The following MGAT4C variants were observed in gnomAD, a reference collection of about 807,000 sequenced individuals.
MGAT4C encodes the protein alpha-1,3-mannosyl-glycoprotein 4-beta-N-acetylglucosaminyltransferase C.
A neutral mutation model predicts 40.1 loss-of-function variants in MGAT4C; 19 were observed. The observed-to-expected ratio is 0.47, with a 90% CI of 0.33 to 0.70. The LOEUF (loss-of-function observed/expected upper bound fraction) is 0.70, where lower values mean the gene tolerates loss of function less well. Ranked by LOEUF, MGAT4C falls within the 30% of genes least tolerant of loss-of-function variation. MGAT4C has a pLI of 0.02. For missense variants in MGAT4C, 491 were observed against 563.2 expected, an observed-to-expected ratio of 0.87 and a Z score of 1.30; for synonymous variants, 181 against 187.1, an observed-to-expected ratio of 0.97 and a Z score of 0.27.
intron 1 of MGAT4C, among the ~76,000 whole-genome samples, chr12:86,816,837 T>C (rs1389825095): frequency 6.6e-6 from 1 of 151,586 alleles, no homozygotes; most frequent in African/African-American, 2.4e-5. Flanking sequence ...TTATTATTTA[T>C]TTTGCTTATT....
chr12:86,714,659 G>C, intron 2 of MGAT4C, among the ~76,000 whole-genome samples: 3 of 151,994 alleles, frequency 2.0e-5, no homozygotes, highest in Non-Finnish European at 4.4e-5. Flanking sequence ...ATGCAGAACT[G>C]TGAGTCCATT....
chr12:86,512,747 G>A (rs1010834809), intron 2 of MGAT4C, among the ~76,000 whole-genome samples: 4 of 152,036 alleles, frequency 2.6e-5, no homozygotes, highest in African/African-American at 9.7e-5. Flanking sequence ...AGAAGCAGAG[G>A]GTAGAATGGT....
chr12:86,743,444 A>C lies in MGAT4C; in HGVS notation c.-261-16203T>G, dbSNP rs370659692. ...CCAGGGGAAAACCAGCTTTCTCCTGAAGAGATTATTTTACACTTGATGTAA... is the reference window on the plus strand; with the variant it reads ...CCAGGGGAAAACCAGCTTTCTCCTGCAGAGATTATTTTACACTTGATGTAA... On this transcript the variant is annotated intron_variant, in intron 1 of 7. Transcript: ENST00000548651. Among the ~76,000 whole-genome samples the C allele has an allele frequency of 5.9e-5, 9 of 151,522 alleles. 1 individual carries two copies. In the East Asian group the frequency reaches 7.8e-4, roughly 13 times the overall value.
intron 1 of MGAT4C, among the ~76,000 whole-genome samples, chr12:86,128,394 T>C (rs1383391485): frequency 6.6e-6 from 1 of 152,152 alleles, no homozygotes; most frequent in Non-Finnish European, 1.5e-5. Context: ...AGTGAATAAA[T>C]CACACGAGAT....
intron 2 of MGAT4C, among the ~76,000 whole-genome samples, chr12:86,556,221 A>G (rs887873062): frequency 1.3e-5 from 2 of 152,196 alleles, no homozygotes; most frequent in Non-Finnish European, 2.9e-5. Flanking sequence ...AGGGGTAAAT[A>G]TAAGTAATGT....
chr12:86,681,224 G>A (rs1343076641), intron 2 of MGAT4C, among the ~76,000 whole-genome samples: 2 of 151,892 alleles, frequency 1.3e-5, no homozygotes, highest in African/African-American at 2.4e-5. Context: ...AATAGCCTCT[G>A]AAGTAACCAT....
chr12:86,144,055 G>A (rs1371394225), intron 1 of MGAT4C, among the ~76,000 whole-genome samples: 1 of 152,182 alleles, frequency 6.6e-6, no homozygotes, highest in East Asian at 1.9e-4. Flanking sequence ...GCACAAGTAC[G>A]TGGTTTGCTG....
At chr12:86,597,446 C>G (rs546985465) in intron 2 of MGAT4C, among the ~76,000 whole-genome samples, 15 of 152,312 alleles carry the variant, frequency 9.8e-5, no homozygotes, top group South Asian at 2.1e-4. Flanking sequence ...CAGCATTAAT[C>G]ATTAGGCCAG....
intron 1 of MGAT4C, among the ~76,000 whole-genome samples, chr12:86,217,204 T>TCA (rs1278068061): frequency 6.6e-6 from 1 of 152,162 alleles, no homozygotes; most frequent in Non-Finnish European, 1.5e-5. Flanking sequence ...AGACAGGGTC[T>TCA]CACTCTGTCA....
At chr12:86,177,992 A>G (rs1887660566) in intron 1 of MGAT4C, among the ~76,000 whole-genome samples, 1 of 152,262 alleles carries the variant, frequency 6.6e-6, no homozygotes, top group Non-Finnish European at 1.5e-5. Flanking sequence ...GCTGGAGTGC[A>G]GTGGCGCGAT....
chr12:86,116,453 A>G (rs1028173669), intron 1 of MGAT4C, among the ~76,000 whole-genome samples: 1 of 152,038 alleles, frequency 6.6e-6, no homozygotes, highest in East Asian at 1.9e-4. Flanking sequence ...CCAACAAGAC[A>G]TATGTTAGAT....
chr12:86,029,137 C>A (rs138128017), intron 2 of MGAT4C, among the ~76,000 whole-genome samples: 1 of 151,712 alleles, frequency 6.6e-6, no homozygotes, highest in Non-Finnish European at 1.5e-5. Flanking sequence ...TATACATAAC[C>A]ATCATATTTA....
At chr12:86,465,152 T>C (rs538412283) in intron 2 of MGAT4C, among the ~76,000 whole-genome samples, 2 of 151,296 alleles carry the variant, frequency 1.3e-5, no homozygotes, top group South Asian at 4.1e-4. Context: ...CAATAAATGA[T>C]GCTAAAACAA....
chr12:86,062,511 C>G (rs936355229), intron 1 of MGAT4C, among the ~76,000 whole-genome samples: 2 of 152,002 alleles, frequency 1.3e-5, no homozygotes, highest in Admixed American at 6.6e-5. Flanking sequence ...GGGAACAAAA[C>G]TGGACAGAGA....
In MGAT4C at chr12:86,309,980, G is replaced by A. The variant is rs189279459; in HGVS notation, c.-57+24085C>T. Among the ~76,000 whole-genome samples, 534 of 150,846 alleles carry A rather than the reference G, an allele frequency of 3.5e-3. 5 individuals carry two copies. Among genetic ancestry groups the A allele is most frequent in the Non-Finnish European group, 5.8e-3 (389 of 67,226 alleles). Reference sequence around the variant, plus strand: ...AAGGAGAAGGAGGAAAGAAAGATACGATAAAGCAACAAAAAGAAGACTTTA... The same window carrying A: ...AAGGAGAAGGAGGAAAGAAAGATACAATAAAGCAACAAAAAGAAGACTTTA... On this transcript the variant is annotated intron_variant, in intron 4 of 7. Coordinates refer to the MGAT4C transcript ENST00000548651.
chr12:86,272,080 A>G (rs1024829675), intron 4 of MGAT4C, among the ~76,000 whole-genome samples: 1 of 152,240 alleles, frequency 6.6e-6, no homozygotes, highest in African/African-American at 2.4e-5. Context: ...TTCAATATTT[A>G]TAGTAGAGTA....
intron 2 of MGAT4C, among the ~76,000 whole-genome samples, chr12:86,542,702 T>C (rs1959174489): frequency 6.6e-6 from 1 of 152,200 alleles, no homozygotes; most frequent in Admixed American, 6.5e-5. Flanking sequence ...AGCATGGAAT[T>C]AATGGATTAA....
At chr12:86,581,704 T>C (rs1960783847) in intron 2 of MGAT4C, among the ~76,000 whole-genome samples, 1 of 109,454 alleles carries the variant, frequency 9.1e-6, no homozygotes, top group Non-Finnish European at 2.0e-5. Context: ...TAAATATGTC[T>C]GTTATGGATC....
chr12:86,573,771 T>C (rs1960458266), intron 2 of MGAT4C, among the ~76,000 whole-genome samples: 1 of 152,020 alleles, frequency 6.6e-6, no homozygotes, highest in Admixed American at 6.6e-5. Context: ...TAGAATTTAT[T>C]ATATAACTTT....
Sources: gnomAD v4.1 joint callset for allele counts (sites outside exome capture counted in the v4.1 genomes callset) on GRCh38, gnomAD v4.1.1 for gene constraint, MANE v1.5 for transcripts, NCBI Gene and HGNC (gene_info 2026-07-23, HGNC 2026-07-21) for gene names.